Variants in NINL observed in about 807,000 individuals in gnomAD.
NINL encodes the protein ninein-like protein.
NINL carries 153 observed loss-of-function variants against 160.3 expected under a neutral mutation model. The ratio of observed to expected loss-of-function variants is 0.95; its 90% CI spans 0.84 to 1.09. The LOEUF is 1.09. NINL is among the 50% of genes least tolerant of loss of function. NINL has a pLI of 0.00. For synonymous variants in NINL, 800 were observed against 734.8 expected (o/e 1.09, Z -1.43); for missense variants, 1,829 against 1,764.0 (o/e 1.04, Z -0.66).
chr20:25,582,127 C>T (rs2065181091), intron 1 of NINL, among the ~76,000 whole-genome samples: 1 of 152,044 alleles, frequency 6.6e-6, no homozygotes, highest in South Asian at 2.1e-4. Context: ...TGGTGGTGTA[C>T]TCCTATAATC....
intron 5 of NINL, among the ~76,000 whole-genome samples, 173 bp from the exon 6 acceptor site, chr20:25,505,251 C>T (rs2063940551): frequency 6.7e-6 from 1 of 149,464 alleles, no homozygotes; most frequent in Non-Finnish European, 1.5e-5. Context: ...ATCTCACTCA[C>T]ATGTGGGATC....
chr20:25,561,248 G>C (rs995551303), intron 1 of NINL, among the ~76,000 whole-genome samples: 1 of 152,118 alleles, frequency 6.6e-6, no homozygotes, highest in Non-Finnish European at 1.5e-5. Flanking sequence ...TGTGTTGGCC[G>C]GGCTGGTCTC....
intron 22 of NINL, among the ~76,000 whole-genome samples, chr20:25,456,756 T>A (rs1426859164): frequency 1.3e-5 from 2 of 148,158 alleles, no homozygotes; most frequent in African/African-American, 5.0e-5. Flanking sequence ...CATGGTGAAA[T>A]CCCGTCTCTA....
rs560389287 is a variant in NINL, at chr20:25,468,815, C to T, written c.3353+1176G>A. ...CCCCCTGACTCTCACTGGTGGGCAC[C>T]CCCCTACCCTGTCCCAACTCTCACT... On this transcript the variant is annotated intron_variant, in intron 18 of 23. Coordinates refer to ENST00000278886, the MANE Select transcript of NINL (RefSeq NM_025176.6). 8.8e-4 allele frequency among the ~76,000 whole-genome samples: 129 copies of T among 146,230 alleles called. 1 individual carries two copies. Among genetic ancestry groups the T allele is most frequent in the African/African-American group, 3.1e-3 (122 of 39,144 alleles).
At chr20:25,568,000 C>T (rs1261173147) in intron 1 of NINL, among the ~76,000 whole-genome samples, 2 of 151,770 alleles carry the variant, frequency 1.3e-5, no homozygotes, top group Non-Finnish European at 2.9e-5. Context: ...TCAATAATTT[C>T]AGCTTCCAGC....
chr20:25,578,921 T>A (rs1256934096), intron 1 of NINL, among the ~76,000 whole-genome samples: 1 of 151,960 alleles, frequency 6.6e-6, no homozygotes, highest in East Asian at 1.9e-4. Context: ...GGTGGGAGAA[T>A]GCTTGAACCC....
At chr20:25,572,137 T>C (rs2065061458) in intron 1 of NINL, among the ~76,000 whole-genome samples, 1 of 151,884 alleles carries the variant, frequency 6.6e-6, no homozygotes, top group Non-Finnish European at 1.5e-5. Flanking sequence ...CACAGCATCT[T>C]AGTAATACAG....
intron 5 of NINL, among the ~76,000 whole-genome samples, chr20:25,510,063 C>T (rs1359231327): frequency 2.0e-5 from 3 of 152,234 alleles, no homozygotes; most frequent in East Asian, 1.9e-4. Context: ...TTGCAGAGGG[C>T]ACCACGGCAG....
chr20:25,461,549 G>A lies in NINL; in HGVS notation c.3669C>T (p.Thr1223=), dbSNP rs1323475898. The A allele has an allele frequency of 3.8e-6, 6 of 1,595,560 alleles. No individual in the cohort carries two copies. Among genetic ancestry groups the A allele is most frequent in the Middle Eastern group, 1.7e-4 (1 of 5,954 alleles). ...QSLQLPWSEL[T]QTLEESQDQV... Reference sequence around the variant, plus strand: ...GGTCTTGACTTTCCTCAAGGGTCTGGGTCAGCTCTGACCATGGCAGCTGCA... The same window carrying A: ...GGTCTTGACTTTCCTCAAGGGTCTGAGTCAGCTCTGACCATGGCAGCTGCA... The change falls in exon 21 of 24, where the codon ACC becomes ACT. Residue 1223 remains threonine (T), a synonymous_variant. Transcript: ENST00000278886.
chr20:25,493,566 T>C (rs1428937593), intron 10 of NINL, among the ~76,000 whole-genome samples: 1 of 152,166 alleles, frequency 6.6e-6, no homozygotes, highest in Non-Finnish European at 1.5e-5. Context: ...CAAGCTGGCC[T>C]CATGTGCGCT....
At chr20:25,565,644 T>C (rs2064990913) in intron 1 of NINL, among the ~76,000 whole-genome samples, 1 of 152,156 alleles carries the variant, frequency 6.6e-6, no homozygotes, top group Admixed American at 6.5e-5. Flanking sequence ...TTTGGTGTCA[T>C]CTTGACTGAA....
chr20:25,517,114 T>C (rs2064174344), intron 3 of NINL, among the ~76,000 whole-genome samples: 1 of 152,006 alleles, frequency 6.6e-6, no homozygotes, highest in South Asian at 2.1e-4. Flanking sequence ...CCTTCCGCTT[T>C]CCCGTCCTCT....
chr20:25,558,882 C>T (rs1412414867), intron 1 of NINL, among the ~76,000 whole-genome samples: 1 of 152,236 alleles, frequency 6.6e-6, no homozygotes, highest in East Asian at 1.9e-4. Context: ...CAGCAACAGA[C>T]ACTTGCAGAT....
At chr20:25,494,148 A>G in intron 10 of NINL, among the ~76,000 whole-genome samples, 1 of 138,428 alleles carries the variant, frequency 7.2e-6, no homozygotes, top group Non-Finnish European at 1.6e-5. Context: ...CCCCACACAC[A>G]CTCACAGCAC....
At chr20:25,546,206 C>T (rs937222722) in intron 1 of NINL, among the ~76,000 whole-genome samples, 3 of 152,152 alleles carry the variant, frequency 2.0e-5, no homozygotes, top group African/African-American at 7.2e-5. Context: ...AGATATTTTA[C>T]AGTTTGGGTT....
In NINL at chr20:25,498,186, C is replaced by T. The variant is rs763516413; in HGVS notation, c.1169+24G>A. 10 of 1,611,020 alleles carry T rather than the reference C, an allele frequency of 6.2e-6. No homozygotes were observed. In the South Asian group the frequency reaches 7.7e-5, roughly 12 times the overall value. On this transcript the variant is annotated intron_variant, in intron 9 of 23. Coordinates refer to ENST00000278886, the MANE Select transcript of NINL (RefSeq NM_025176.6). Reference sequence around the variant, plus strand: ...ACCTGGCCAGCCACACTGCCACGTTCCCCAGTCCCCTGTGGCCTCTTACTG... The same window carrying T: ...ACCTGGCCAGCCACACTGCCACGTTTCCCAGTCCCCTGTGGCCTCTTACTG...
chr20:25,509,595 A>G, intron 5 of NINL: 3 of 452,760 alleles, frequency 6.6e-6, no homozygotes, highest in South Asian at 3.2e-5. Context: ...AGGGTTAGCC[A>G]GGCTGCCAGC....
rs1226207687 is a variant in NINL, at chr20:25,477,030, C to G, written c.2261G>C (p.Arg754Pro). Residue 754 changes from arginine to proline, a missense_variant, in exon 17 of 24, where the codon CGC becomes CCC. Physicochemically the swap from Arg to Pro is moderately radical, Grantham distance 103. Transcript: ENST00000278886. The part of the protein sequence containing the change: ...ELSGLGALPA[R>P]RDLTLELEEP... ...CTCCAGCTCCAAGGTCAGGTCTCTG[C>G]GAGCGGGCAGGGCTCCCAGCCCCGA... The G allele has an allele frequency of 6.3e-7, 1 of 1,599,506 alleles. No homozygotes were observed. Among genetic ancestry groups the G allele is most frequent in the Admixed American group, 1.7e-5 (1 of 59,970 alleles).
chr20:25,482,630 C>T (rs1320758698), intron 13 of NINL, among the ~76,000 whole-genome samples: 5 of 151,870 alleles, frequency 3.3e-5, no homozygotes, highest in African/African-American at 1.2e-4. Context: ...GGGTTACAGG[C>T]GTGAGCCACC....
Sources: gnomAD v4.1 joint callset for allele counts (sites outside exome capture counted in the v4.1 genomes callset) on GRCh38, gnomAD v4.1.1 for gene constraint, MANE v1.5 for transcripts, NCBI Gene and HGNC (gene_info 2026-07-23, HGNC 2026-07-21) for gene names.